LIMS1: variants seen among roughly 807,000 people sequenced by gnomAD.
LIMS1 encodes the protein LIM and senescent cell antigen-like-containing domain protein 1.
A neutral mutation model predicts 44.1 loss-of-function variants in LIMS1; 18 were observed. The observed-to-expected ratio is 0.41, with a 90% CI of 0.28 to 0.61. LIMS1 has a LOEUF of 0.61. Among genes scored for constraint, LIMS1 ranks in the 20% least tolerant of loss-of-function variants. LIMS1 has a pLI of 0.32. For synonymous variants in LIMS1, 93 were observed against 149.1 expected, an observed-to-expected ratio of 0.62 and a Z score of 2.74; for missense variants, 201 against 422.0, an observed-to-expected ratio of 0.48 and a Z score of 4.59.
chr2:108,673,164 A>C (rs1692259586), intron 5 of LIMS1, 135 bp downstream of exon 5: 5 of 1,324,964 alleles, frequency 3.8e-6, no homozygotes, highest in African/African-American at 1.5e-5. Flanking sequence ...CCTATAGACG[A>C]GTCAAGAGAA....
At chr2:108,600,935 T>TC (rs371132491) in intron 1 of LIMS1, among the ~76,000 whole-genome samples, 1 of 148,338 alleles carries the variant, frequency 6.7e-6, no homozygotes, top group Non-Finnish European at 1.5e-5. Context: ...TCTCTTCTCT[T>TC]TTTTCTTCAC....
chr2:108,680,139 G>C (rs1191317102), intron 8 of LIMS1, among the ~76,000 whole-genome samples: 1 of 152,034 alleles, frequency 6.6e-6, no homozygotes, highest in African/African-American at 2.4e-5. Context: ...GGGAGGCCAA[G>C]ACGGGCGGAT....
intron 1 of LIMS1, among the ~76,000 whole-genome samples, chr2:108,593,212 T>C (rs1686494926): frequency 2.0e-5 from 3 of 152,108 alleles, no homozygotes; most frequent in Admixed American, 2.0e-4. Flanking sequence ...AAATTCACTT[T>C]AGTGCCTGAT....
intron 1 of LIMS1, among the ~76,000 whole-genome samples, chr2:108,550,235 C>T (rs1684634670): frequency 6.6e-6 from 1 of 152,006 alleles, no homozygotes; most frequent in Non-Finnish European, 1.5e-5. Flanking sequence ...GTGGCTCACC[C>T]CTGTAATCCC....
chr2:108,615,346 C>T (rs1336681243), intron 1 of LIMS1, among the ~76,000 whole-genome samples: 1 of 151,716 alleles, frequency 6.6e-6, no homozygotes, highest in Non-Finnish European at 1.5e-5. Context: ...AGTGAGATAC[C>T]CTCTATTTTG....
At chr2:108,605,673 C>T (rs754127780) in intron 1 of LIMS1, among the ~76,000 whole-genome samples, 19 of 152,118 alleles carry the variant, frequency 1.2e-4, no homozygotes, top group Non-Finnish European at 2.2e-4. Context: ...CTTAGTGATG[C>T]CCCACTTAGA....
intron 2 of LIMS1, among the ~76,000 whole-genome samples, chr2:108,668,796 A>G (rs1422193005): frequency 6.6e-6 from 1 of 152,250 alleles, no homozygotes; most frequent in African/African-American, 2.4e-5. Context: ...TCAGATTTTT[A>G]TACATATAGA....
chr2:108,669,545 T>C (rs1692018875), intron 2 of LIMS1, among the ~76,000 whole-genome samples: 2 of 152,116 alleles, frequency 1.3e-5, no homozygotes, highest in Non-Finnish European at 2.9e-5. Flanking sequence ...TTTGAGGAAA[T>C]TGAGTTGCCA....
chr2:108,662,812 T>TA (rs1441604018), intron 2 of LIMS1: 1 of 838,406 alleles, frequency 1.2e-6, no homozygotes, highest in East Asian at 1.2e-4. Flanking sequence ...ATATCTTTGT[T>TA]ATTGCTTTTG....
intron 9 of LIMS1, 188 bp downstream of exon 9, chr2:108,680,958 C>T (rs1210475883): frequency 7.6e-7 from 1 of 1,319,398 alleles, no homozygotes; most frequent in Non-Finnish European, 1.0e-6. Context: ...CCTTCTTTGT[C>T]CTACTCAAAG....
chr2:108,579,841 C>T lies in LIMS1; in HGVS notation c.32+45247C>T, dbSNP rs368070078. 2.8e-3 allele frequency among the ~76,000 whole-genome samples: 432 copies of T among 152,284 alleles called. 2 individuals carry two copies. Among genetic ancestry groups the T allele is most frequent in the Non-Finnish European group, 4.4e-3 (302 of 68,032 alleles). On this transcript the variant is annotated intron_variant, in intron 1 of 9. Transcript: ENST00000544547. ...CTTCCGGAGAACTTCCCAGAGGAAG[C>T]GACCTCTTGACTGAGTCCGAGTGTG...
intron 1 of LIMS1, among the ~76,000 whole-genome samples, chr2:108,648,154 A>T (rs544294890): frequency 2.0e-5 from 3 of 152,348 alleles, no homozygotes; most frequent in Non-Finnish European, 1.5e-5. Context: ...AATCACAGGC[A>T]TTCCTATACA....
chr2:108,589,283 A>G (rs115345365), intron 1 of LIMS1, among the ~76,000 whole-genome samples: 2,552 of 152,234 alleles, frequency 0.017, 42 homozygotes, highest in African/African-American at 0.035. Flanking sequence ...ACATTGTACA[A>G]TGACCAAATC....
chr2:108,659,840 C>G, intron 2 of LIMS1, 76 bp downstream of exon 2: 4 of 1,611,394 alleles, frequency 2.5e-6, no homozygotes, highest in Non-Finnish European at 3.4e-6. Context: ...CCTGAGGCCT[C>G]CTCCTTCATG....
intron 1 of LIMS1, among the ~76,000 whole-genome samples, chr2:108,601,833 A>G (rs1431322276): frequency 1.3e-5 from 2 of 152,204 alleles, no homozygotes; most frequent in African/African-American, 2.4e-5. Flanking sequence ...TGTTTATTCT[A>G]TTTCTGTGAA....
chr2:108,638,488 A>G (rs1689432106), intron 1 of LIMS1, among the ~76,000 whole-genome samples: 1 of 152,194 alleles, frequency 6.6e-6, no homozygotes, highest in South Asian at 2.1e-4. Context: ...TCACGCCTGT[A>G]ACCCCAGCAC....
intron 2 of LIMS1, among the ~76,000 whole-genome samples, chr2:108,667,744 C>T (rs1691879829): frequency 6.6e-6 from 1 of 151,672 alleles, no homozygotes; most frequent in African/African-American, 2.4e-5. Flanking sequence ...CCACTCCCAC[C>T]TCACCCTCAG....
chr2:108,543,712 C>G (rs575239462), intron 1 of LIMS1, among the ~76,000 whole-genome samples: 2 of 152,294 alleles, frequency 1.3e-5, no homozygotes, highest in African/African-American at 4.8e-5. Context: ...CTTACGTCTT[C>G]AGGTGAATGC....
chr2:108,571,695 T>A (rs575429637), intron 1 of LIMS1, among the ~76,000 whole-genome samples: 2 of 152,226 alleles, frequency 1.3e-5, no homozygotes, highest in Non-Finnish European at 2.9e-5. Flanking sequence ...ATGAGTGTTT[T>A]AGACAGTGAA....
Sources: allele counts gnomAD v4.1 joint callset (sites outside exome capture counted in the v4.1 genomes callset), GRCh38; gene constraint gnomAD v4.1.1; transcripts MANE v1.5; gene names NCBI Gene and HGNC (gene_info 2026-07-23, HGNC 2026-07-21).